Variants in NKAIN2 observed in about 807,000 individuals in gnomAD.
NKAIN2 encodes sodium/potassium-transporting ATPase subunit beta-1-interacting protein 2.
NKAIN2 carries 14 observed loss-of-function variants against 32.6 expected under a neutral mutation model. That is an observed-to-expected ratio of 0.43 (90% CI 0.28 to 0.67). The LOEUF (loss-of-function observed/expected upper bound fraction) is 0.67, where lower values mean the gene tolerates loss of function less well. Ranked by LOEUF, NKAIN2 falls within the 30% of genes least tolerant of loss-of-function variation. The pLI is 0.17. For synonymous variants in NKAIN2, 80 were observed against 87.2 expected (o/e 0.92, Z 0.46); for missense variants, 198 against 258.3 (o/e 0.77, Z 1.60).
chr6:124,806,651 A>T (rs1416235384), intron 5 of NKAIN2, among the ~76,000 whole-genome samples: 3 of 152,264 alleles, frequency 2.0e-5, no homozygotes, highest in Admixed American at 6.5e-5. Context: ...TTAACTTTAA[A>T]TGTAAATGGA....
chr6:124,784,125 A>G (rs912240061), intron 4 of NKAIN2, among the ~76,000 whole-genome samples: 1 of 152,220 alleles, frequency 6.6e-6, no homozygotes, highest in African/African-American at 2.4e-5. Context: ...GTTTTTAAAC[A>G]TAAATAGAAC....
chr6:124,292,673 C>T (rs942174302), intron 2 of NKAIN2, among the ~76,000 whole-genome samples: 1 of 147,198 alleles, frequency 6.8e-6, no homozygotes, highest in South Asian at 2.1e-4. Context: ...TACATTGATA[C>T]TTATCAAAAG....
chr6:124,296,890 A>T (rs1242057270), intron 2 of NKAIN2, among the ~76,000 whole-genome samples: 1 of 152,084 alleles, frequency 6.6e-6, no homozygotes, highest in Non-Finnish European at 1.5e-5. Flanking sequence ...GGACACACAT[A>T]AAAAAAGTAG....
At chr6:123,998,322 G>A (rs1779718863) in intron 1 of NKAIN2, among the ~76,000 whole-genome samples, 1 of 152,034 alleles carries the variant, frequency 6.6e-6, no homozygotes, top group Non-Finnish European at 1.5e-5. Flanking sequence ...TTGCTATTGA[G>A]AAGTTTTATG....
At chr6:123,988,427 A>AGCAGCTT (rs1404134153) in intron 1 of NKAIN2, among the ~76,000 whole-genome samples, 1 of 152,200 alleles carries the variant, frequency 6.6e-6, no homozygotes, top group Non-Finnish European at 1.5e-5. Flanking sequence ...AGAGGCCAAC[A>AGCAGCTT]GCAGCTTGTT....
chr6:124,695,030 C>T (rs1774432177), intron 4 of NKAIN2, among the ~76,000 whole-genome samples: 1 of 152,060 alleles, frequency 6.6e-6, no homozygotes, highest in South Asian at 2.1e-4. Context: ...CTTAAACCAT[C>T]TCCTCTTCCT....
rs543544311 is a variant in NKAIN2, at chr6:123,804,192, T to C, written c.-9T>C. On this transcript the variant is annotated 5_prime_UTR_variant, in exon 1 of 7. Coordinates refer to ENST00000368417, the MANE Select transcript of NKAIN2 (RefSeq NM_001040214.3). ...GGACAGTCTGGCTGTGGCAGGGGTC[T>C]CGGAAACCATGGGTTATTGCAGTGG... 51 of 1,613,720 alleles carry C rather than the reference T, an allele frequency of 3.2e-5. 1 individual carries two copies. The South Asian group carries it at 5.3e-4, about 17-fold the overall frequency.
At chr6:123,995,644 A>G (rs1334170016) in intron 1 of NKAIN2, among the ~76,000 whole-genome samples, 1 of 152,228 alleles carries the variant, frequency 6.6e-6, no homozygotes, top group East Asian at 1.9e-4. Flanking sequence ...AGTCAGCTCC[A>G]TCAGGTAAAA....
At chr6:124,066,569 T>G (rs1036193366) in intron 1 of NKAIN2, among the ~76,000 whole-genome samples, 1 of 152,158 alleles carries the variant, frequency 6.6e-6, no homozygotes, top group Non-Finnish European at 1.5e-5. Context: ...TAGAATTTAG[T>G]CTTTAAAAAT....
At chr6:124,804,967 G>T (rs1233229074) in intron 5 of NKAIN2, among the ~76,000 whole-genome samples, 1 of 152,226 alleles carries the variant, frequency 6.6e-6, no homozygotes, top group Non-Finnish European at 1.5e-5. Context: ...GCCCAGGCTT[G>T]CTTAGGTAAA....
chr6:124,631,438 C>T (rs1408425030), intron 3 of NKAIN2, among the ~76,000 whole-genome samples: 3 of 152,002 alleles, frequency 2.0e-5, no homozygotes, highest in Non-Finnish European at 4.4e-5. Flanking sequence ...ACCTAGGCAA[C>T]AAAAAAATTA....
At chr6:124,676,525 T>A (rs1240010537) in intron 4 of NKAIN2, among the ~76,000 whole-genome samples, 1 of 152,202 alleles carries the variant, frequency 6.6e-6, no homozygotes, top group Non-Finnish European at 1.5e-5. Context: ...CATAAATATC[T>A]ATAATTGTTA....
intron 1 of NKAIN2, among the ~76,000 whole-genome samples, chr6:123,943,609 G>T (rs962644622): frequency 2.0e-5 from 3 of 152,022 alleles, no homozygotes; most frequent in African/African-American, 7.2e-5. Flanking sequence ...TTGTTGGAAA[G>T]ATTTTAGGAG....
At chr6:124,228,503 A>ATTTG (rs1451652350) in intron 1 of NKAIN2, among the ~76,000 whole-genome samples, 1 of 152,114 alleles carries the variant, frequency 6.6e-6, no homozygotes, top group Non-Finnish European at 1.5e-5. Flanking sequence ...ACATCTCTCC[A>ATTTG]AAGCCCCATC....
chr6:124,565,241 G>A (rs1311629214), intron 3 of NKAIN2, among the ~76,000 whole-genome samples: 3 of 152,152 alleles, frequency 2.0e-5, no homozygotes, highest in African/African-American at 7.2e-5. Flanking sequence ...TAATTGGAAT[G>A]TTTTATTCTA....
At chr6:123,985,270 G>T (rs2114674695) in intron 1 of NKAIN2, among the ~76,000 whole-genome samples, 1 of 152,144 alleles carries the variant, frequency 6.6e-6, no homozygotes, top group East Asian at 1.9e-4. Context: ...CGTGGTGGTG[G>T]GTGCCTGTAA....
intron 2 of NKAIN2, among the ~76,000 whole-genome samples, chr6:124,306,193 G>A (rs1796499488): frequency 1.3e-5 from 2 of 152,148 alleles, no homozygotes; most frequent in Admixed American, 1.3e-4. Flanking sequence ...CTAAAGAGTT[G>A]ATAGGTAAGA....
Position 123,964,227 on chromosome 6 carries a change from C to T in NKAIN2, c.54+159973C>T, listed in dbSNP as rs1328114763. Among the ~76,000 whole-genome samples the T allele has an allele frequency of 1.3e-5, 2 of 152,154 alleles. No individual in the cohort carries two copies. The highest frequency in any genetic ancestry group is 2.9e-5 in the Non-Finnish European group (2 of 68,020). ...AGACTATCTCTCCCTACAAGTTTTA[C>T]CTGCTTTGTTCCAGTAGTTTATAAT... On this transcript the variant is annotated intron_variant, in intron 1 of 6. Transcript: ENST00000368417. The surrounding 1 kb of genome is among the most constrained non-coding windows in gnomAD (Gnocchi z 4.0).
At chr6:124,328,031 G>A (rs548949502) in intron 2 of NKAIN2, among the ~76,000 whole-genome samples, 1 of 152,124 alleles carries the variant, frequency 6.6e-6, no homozygotes, top group South Asian at 2.1e-4. Flanking sequence ...TTACAGTGGT[G>A]GAAACTTTAT....
Sources: allele counts gnomAD v4.1 joint callset (sites outside exome capture counted in the v4.1 genomes callset), GRCh38; gene constraint gnomAD v4.1.1; non-coding constraint Gnocchi (gnomAD v3.1); transcripts MANE v1.5; gene names NCBI Gene and HGNC (gene_info 2026-07-23, HGNC 2026-07-21).